ABL1: variants seen among roughly 807,000 people sequenced by gnomAD.
ABL1 encodes the protein tyrosine-protein kinase ABL1.
Under a neutral mutation model 94.7 loss-of-function variants are expected in ABL1, and 11 were observed. That is an observed-to-expected ratio of 0.12 (90% CI 0.07 to 0.19). The LOEUF (loss-of-function observed/expected upper bound fraction) is 0.19, where lower values mean the gene tolerates loss of function less well. ABL1 is among the 10% of genes least tolerant of loss of function. The pLI is 1.00. For missense variants in ABL1, 1,082 were observed against 1,489.4 expected, an observed-to-expected ratio of 0.73 and a Z score of 4.50; for synonymous variants, 656 against 622.4, an observed-to-expected ratio of 1.05 and a Z score of -0.80.
chr9:130,800,545 C>T (rs1337219730), intron 1 of ABL1, among the ~76,000 whole-genome samples: 9 of 152,092 alleles, frequency 5.9e-5, no homozygotes, highest in African/African-American at 2.2e-4. Flanking sequence ...GATTCCTTCC[C>T]TCAGCCTCTG....
chr9:130,736,596 A>G (rs1564273854), intron 1 of ABL1, among the ~76,000 whole-genome samples: 2 of 151,828 alleles, frequency 1.3e-5, no homozygotes, highest in African/African-American at 2.4e-5. Flanking sequence ...GGTTCAAGCA[A>G]TTCTTCTGCC....
Position 130,739,299 on chromosome 9 carries a change from C to T in ABL1, c.136+24844C>T, listed in dbSNP as rs565973421. On this transcript the variant is annotated intron_variant, in intron 1 of 10. Coordinates refer to the ABL1 transcript ENST00000372348. ...GTGAGACATGATGTGATGTTTAGTT[C>T]GTAGCATCCTCAGCACTGTCTTATT... Among the ~76,000 whole-genome samples, 4 of 151,640 alleles carry T rather than the reference C, an allele frequency of 2.6e-5. No individual in the cohort carries two copies. In the East Asian group the frequency reaches 5.8e-4, roughly 22 times the overall value.
intron 1 of ABL1, among the ~76,000 whole-genome samples, chr9:130,841,793 C>T (rs907020687): frequency 2.0e-5 from 3 of 151,782 alleles, no homozygotes; most frequent in East Asian, 1.9e-4. Context: ...GCCTGGGCAA[C>T]GAGCAAAAAC....
intron 1 of ABL1, among the ~76,000 whole-genome samples, chr9:130,742,053 C>T (rs903136189): frequency 6.6e-6 from 1 of 152,076 alleles, no homozygotes; most frequent in Non-Finnish European, 1.5e-5. Flanking sequence ...AGCCTTGTGA[C>T]CTTTTGCTCC....
rs766603530 is a variant in ABL1, at chr9:130,884,788, A to G, written c.2498A>G (p.Lys833Arg). Residue 833 changes from lysine (K) to arginine (R), a missense_variant, in exon 11 of 11, where the codon AAG becomes AGG. This residue lies in a region of ABL1 where 780 missense variants were observed against 835.8 expected (regional missense o/e 0.93). Transcript: ENST00000318560. The surrounding 1 kb of genome is among the most constrained non-coding windows in gnomAD (Gnocchi z 5.6). ...TVAPASGLPH[K>R]EEAGKGSALG... Reference sequence around the variant, plus strand: ...GCCCCTGCCTCGGGCCTCCCCCACAAGGAAGAAGCTGGAAAGGGCAGTGCC... The same window carrying G: ...GCCCCTGCCTCGGGCCTCCCCCACAGGGAAGAAGCTGGAAAGGGCAGTGCC... The G allele has an allele frequency of 1.9e-6, 3 of 1,610,440 alleles. No individual in the cohort carries two copies. Among genetic ancestry groups the G allele is most frequent in the African/African-American group, 1.3e-5 (1 of 74,940 alleles).
At chr9:130,834,973 G>A, upstream of ABL1, 4 of 453,134 alleles carry the variant, frequency 8.8e-6, no homozygotes, top group Admixed American at 7.1e-5. Context: ...AGTTGCGCGC[G>A]GCTTCTAAAG....
chr9:130,817,446 CTCCT>C (rs1000165699), intron 1 of ABL1, among the ~76,000 whole-genome samples: 13 of 152,312 alleles, frequency 8.5e-5, no homozygotes, highest in African/African-American at 3.1e-4. Flanking sequence ...AAGTTACTTC[CTCCT>C]TCCTTTGTTC....
intron 8 of ABL1, 75 bp from the exon 9 acceptor site, chr9:130,879,993 T>C: frequency 2.1e-6 from 3 of 1,398,144 alleles, no homozygotes; most frequent in Non-Finnish European, 2.0e-6. Flanking sequence ...ATTCTAGACT[T>C]TTCCTTGAGA....
At chr9:130,859,923 C>CA (rs1831043094) in intron 3 of ABL1, among the ~76,000 whole-genome samples, 3 of 152,020 alleles carry the variant, frequency 2.0e-5, no homozygotes, top group Non-Finnish European at 2.9e-5. Flanking sequence ...TCGTGATCTG[C>CA]CCTCCTTGGC....
At chr9:130,820,966 G>A (rs1217833165) in intron 1 of ABL1, among the ~76,000 whole-genome samples, 1 of 151,588 alleles carries the variant, frequency 6.6e-6, no homozygotes, top group Non-Finnish European at 1.5e-5. Flanking sequence ...GTCTCACTCT[G>A]TCACTCAAGC....
chr9:130,773,866 C>T (rs1832282486), intron 1 of ABL1, among the ~76,000 whole-genome samples: 1 of 151,968 alleles, frequency 6.6e-6, no homozygotes, highest in Non-Finnish European at 1.5e-5. Context: ...TATGTATATG[C>T]CCACAAAACG....
At chr9:130,819,896 T>A (rs113197197) in intron 1 of ABL1, among the ~76,000 whole-genome samples, 5,252 of 151,720 alleles carry the variant, frequency 0.035, 289 homozygotes, top group African/African-American at 0.12. Flanking sequence ...TGCTTCTACT[T>A]TGCTGTGACT....
upstream of ABL1, among the ~76,000 whole-genome samples, chr9:130,831,414 TA>T (rs957669646): frequency 2.0e-5 from 3 of 150,250 alleles, no homozygotes; most frequent in African/African-American, 4.9e-5. Context: ...AATTCCAAAT[TA>T]AAAAAAAAAT....
chr9:130,752,438 A>G (rs1456067340), intron 1 of ABL1, among the ~76,000 whole-genome samples: 1 of 152,146 alleles, frequency 6.6e-6, no homozygotes, highest in Admixed American at 6.5e-5. Context: ...TCTTCTCTGA[A>G]GTAGCCCAAA....
intron 1 of ABL1, among the ~76,000 whole-genome samples, chr9:130,739,917 A>T (rs961551014): frequency 1.3e-5 from 2 of 152,202 alleles, no homozygotes; most frequent in Non-Finnish European, 2.9e-5. Flanking sequence ...AAAAATAACA[A>T]TAAAAAATGT....
intron 1 of ABL1, among the ~76,000 whole-genome samples, chr9:130,748,290 C>G (rs1429234252): frequency 6.6e-6 from 1 of 152,194 alleles, no homozygotes; most frequent in Non-Finnish European, 1.5e-5. Flanking sequence ...TGTCGTTATA[C>G]AGTATGGTAC....
intron 1 of ABL1, among the ~76,000 whole-genome samples, chr9:130,850,699 G>C (rs1830843074): frequency 6.6e-6 from 1 of 151,996 alleles, no homozygotes; most frequent in Non-Finnish European, 1.5e-5. Context: ...TAGAGACGGG[G>C]TTTCGCTATG....
intron 1 of ABL1, among the ~76,000 whole-genome samples, chr9:130,773,570 C>T (rs1213680964): frequency 6.6e-6 from 1 of 151,672 alleles, no homozygotes; most frequent in Non-Finnish European, 1.5e-5. Flanking sequence ...GTGATCCTCC[C>T]ACCTCAGCCT....
chr9:130,818,152 CAGA>C (rs1830314129), intron 1 of ABL1, among the ~76,000 whole-genome samples: 2 of 152,124 alleles, frequency 1.3e-5, no homozygotes, highest in East Asian at 3.9e-4. Flanking sequence ...TTTAGAACAG[CAGA>C]AGTTTTTGAT....
Sources: gnomAD v4.1 joint callset for allele counts (sites outside exome capture counted in the v4.1 genomes callset) on GRCh38, gnomAD v4.1.1 for gene constraint, gnomAD v4.1.1 regional missense constraint, Gnocchi (gnomAD v3.1) non-coding constraint, MANE v1.5 for transcripts, NCBI Gene and HGNC (gene_info 2026-07-23, HGNC 2026-07-21) for gene names.